Variants in TSHR observed in about 807,000 individuals in gnomAD.
TSHR encodes thyrotropin receptor.
A neutral mutation model predicts 64.1 loss-of-function variants in TSHR; 51 were observed. That is an observed-to-expected ratio of 0.80 (90% confidence interval 0.64 to 1.01). TSHR has a LOEUF of 1.01. Ranked by LOEUF, TSHR falls within the 50% of genes least tolerant of loss-of-function variation. The pLI is 0.00. For synonymous variants in TSHR, 361 were observed against 361.9 expected (o/e 1.00, Z 0.03); for missense variants, 877 against 942.8 (o/e 0.93, Z 0.91).
At chr14:81,035,604 A>C (rs1232337963) in intron 1 of TSHR, among the ~76,000 whole-genome samples, 1 of 152,310 alleles carries the variant, frequency 6.6e-6, no homozygotes, top group East Asian at 1.9e-4. Context: ...CAGGGGAATA[A>C]ATATTAATTA....
intron 1 of TSHR, among the ~76,000 whole-genome samples, chr14:80,969,954 G>A (rs527604754): frequency 6.6e-6 from 1 of 152,314 alleles, no homozygotes; most frequent in East Asian, 1.9e-4. Context: ...GTATACCCTT[G>A]CCACGGTTCT....
In TSHR at chr14:81,083,646, C is replaced by G. The variant is rs78189161; in HGVS notation, c.318-4308C>G. ...ACACGAGTCAGTTATGTTGCTCCCT[C>G]ACTAGGAGGAAATTCACACCCTCCC... On this transcript the variant is annotated intron_variant, in intron 3 of 9. Coordinates refer to ENST00000298171, the MANE Select transcript of TSHR (RefSeq NM_000369.5). Among the ~76,000 whole-genome samples, 223 of 152,224 alleles carry G rather than the reference C, an allele frequency of 1.5e-3. 1 individual carries two copies. Among genetic ancestry groups the G allele is most frequent in the African/African-American group, 5.1e-3 (211 of 41,538 alleles).
In TSHR at chr14:81,130,670, G is replaced by A. The variant is rs147516412; in HGVS notation, c.693-9009G>A. ...TACCCAAATAGAAATCTCCAGTCCAGACAATTCTCCCAAATTCCACGCTTA... is the reference window on the plus strand; with the variant it reads ...TACCCAAATAGAAATCTCCAGTCCAAACAATTCTCCCAAATTCCACGCTTA... On this transcript the variant is annotated intron_variant, in intron 8 of 9. Coordinates refer to ENST00000298171, the MANE Select transcript of TSHR (RefSeq NM_000369.5). 1.5e-3 allele frequency among the ~76,000 whole-genome samples: 236 copies of A among 152,278 alleles called. 1 individual carries two copies. The highest frequency in any genetic ancestry group is 4.8e-3 in the East Asian group (25 of 5,190).
intron 8 of TSHR, among the ~76,000 whole-genome samples, chr14:81,131,518 C>T (rs549372187): frequency 8.5e-5 from 13 of 152,296 alleles, no homozygotes; most frequent in African/African-American, 2.6e-4. Flanking sequence ...CCAATACGTC[C>T]GCTGACTTCT....
intron 1 of TSHR, among the ~76,000 whole-genome samples, chr14:81,028,708 A>C (rs1884199632): frequency 6.6e-6 from 1 of 152,148 alleles, no homozygotes; most frequent in African/African-American, 2.4e-5. Context: ...TTTGTATACA[A>C]CATCTTGCAC....
intron 1 of TSHR, among the ~76,000 whole-genome samples, chr14:80,986,475 TTTGTTTGTTTTTTG>T (rs376672760): frequency 0.055 from 8,377 of 151,872 alleles, 749 homozygotes; most frequent in African/African-American, 0.19. Flanking sequence ...CATTCTTTTT[TTTGTTTGTTTTTTG>T]TTTGTTTGTT....
Position 81,022,745 on chromosome 14 carries a change from C to T in TSHR, c.171-39403C>T, listed in dbSNP as rs184390335. Among the ~76,000 whole-genome samples, 1,229 of 152,080 alleles carry T rather than the reference C, an allele frequency of 8.1e-3. 11 individuals carry two copies. Among genetic ancestry groups the T allele is most frequent in the Non-Finnish European group, 0.011 (717 of 67,982 alleles). ...CTGAGGCACAAGAATCGCTTGAACC[C>T]GGGAGGCAGAGGTTGCAGGGAGCCA... On this transcript the variant is annotated intron_variant, in intron 1 of 9. Coordinates refer to ENST00000298171, the MANE Select transcript of TSHR (RefSeq NM_000369.5).
chr14:80,967,080 G>GC (rs1197928230), intron 1 of TSHR, among the ~76,000 whole-genome samples: 1 of 151,464 alleles, frequency 6.6e-6, no homozygotes, highest in Non-Finnish European at 1.5e-5. Context: ...CATAACAGAA[G>GC]CCCTCACTGA....
intron 1 of TSHR, among the ~76,000 whole-genome samples, chr14:80,957,284 C>G (rs1445466938): frequency 3.9e-5 from 6 of 152,060 alleles, no homozygotes; most frequent in Non-Finnish European, 7.4e-5. Flanking sequence ...AGCTATACCC[C>G]CCTTCCCAAC....
chr14:80,986,469 CTTTTTTTTGTTTGT>C (rs1242334644), intron 1 of TSHR, among the ~76,000 whole-genome samples: 5 of 144,134 alleles, frequency 3.5e-5, no homozygotes, highest in African/African-American at 1.5e-4. Flanking sequence ...TTCTGTCATT[CTTTTTTTTGTTTGT>C]TTTTTGTTTG....
At chr14:80,999,946 T>TTTTTTTTTA (rs1889226111) in intron 1 of TSHR, among the ~76,000 whole-genome samples, 1 of 150,892 alleles carries the variant, frequency 6.6e-6, no homozygotes, top group Non-Finnish European at 1.5e-5. Context: ...TTTTTTTTTT[T>TTTTTTTTTA]TTTGAGACAG....
intron 8 of TSHR, among the ~76,000 whole-genome samples, chr14:81,109,515 G>T (rs1006735660): frequency 5.9e-5 from 9 of 152,096 alleles, no homozygotes; most frequent in African/African-American, 2.2e-4. Context: ...AATATTAGAG[G>T]TTCTATTTAT....
At chr14:80,962,473 T>C (rs1231979554) in intron 1 of TSHR, among the ~76,000 whole-genome samples, 2 of 152,226 alleles carry the variant, frequency 1.3e-5, no homozygotes, top group Middle Eastern at 3.2e-3. Context: ...TGGCAATCCA[T>C]GGCATTCCCT....
At chr14:81,025,549 T>A (rs1036823608) in intron 1 of TSHR, among the ~76,000 whole-genome samples, 1 of 152,202 alleles carries the variant, frequency 6.6e-6, no homozygotes, top group African/African-American at 2.4e-5. Context: ...GTTTCCTTGA[T>A]ATTTATGTAT....
chr14:81,044,416 T>C (rs764607148), intron 1 of TSHR, among the ~76,000 whole-genome samples: 2 of 152,180 alleles, frequency 1.3e-5, no homozygotes, highest in Non-Finnish European at 2.9e-5. Context: ...CCCAAAACTT[T>C]GGGAGGCCAA....
intron 7 of TSHR, among the ~76,000 whole-genome samples, chr14:81,097,652 T>C (rs1889296073): frequency 6.6e-6 from 1 of 152,200 alleles, no homozygotes; most frequent in Admixed American, 6.5e-5. Flanking sequence ...AGAACACTCA[T>C]GTAGATTATG....
intron 1 of TSHR, among the ~76,000 whole-genome samples, chr14:80,956,581 T>C (rs1886705659): frequency 6.6e-6 from 1 of 152,154 alleles, no homozygotes; most frequent in Non-Finnish European, 1.5e-5. Flanking sequence ...TCATTGAAAT[T>C]GTAGACAAAA....
intron 1 of TSHR, among the ~76,000 whole-genome samples, chr14:81,041,718 A>G (rs1266299134): frequency 6.6e-6 from 1 of 152,154 alleles, no homozygotes; most frequent in Non-Finnish European, 1.5e-5. Flanking sequence ...AAGTGATTCA[A>G]TAAGATCATA....
At chr14:81,096,041 C>CA (rs397853041) in intron 6 of TSHR, among the ~76,000 whole-genome samples, 2,403 of 68,276 alleles carry the variant, frequency 0.035, 34 homozygotes, top group African/African-American at 0.066. Flanking sequence ...GACCCTGTCT[C>CA]AAAAAAAAAA....
Sources: allele counts gnomAD v4.1 joint callset (sites outside exome capture counted in the v4.1 genomes callset), GRCh38; gene constraint gnomAD v4.1.1; transcripts MANE v1.5; gene names NCBI Gene and HGNC (gene_info 2026-07-23, HGNC 2026-07-21).